The following GTPBP6 variants were observed in gnomAD, a reference collection of about 807,000 sequenced individuals.
The protein encoded by GTPBP6 is putative GTP-binding protein 6.
GTPBP6 carries 33 observed loss-of-function variants against 28.9 expected under a neutral mutation model. The observed-to-expected ratio is 1.14, with a 90% confidence interval of 0.87 to 1.53. The LOEUF (loss-of-function observed/expected upper bound fraction) is 1.53, where lower values mean the gene tolerates loss of function less well. Among genes scored for constraint, GTPBP6 ranks in the 40% most tolerant of loss-of-function variants. The probability of loss-of-function intolerance (pLI) is 0.00; values close to 1 mark genes in which losing one functional copy is unlikely to be tolerated. For missense variants in GTPBP6, 507 were observed against 408.3 expected, an observed-to-expected ratio of 1.24 and a Z score of -2.08; for synonymous variants, 231 against 192.7, an observed-to-expected ratio of 1.20 and a Z score of -1.65.
chrX:311,724 T>TG (rs1452493815), intron 6 of GTPBP6, 97 bp from the exon 7 acceptor site: 20 of 1,001,094 alleles, frequency 2.0e-5, no homozygotes, highest in Admixed American at 1.8e-4. Flanking sequence ...CGGCACCCTC[T>TG]GGGGGGCCGC....
chrX:305,532 A>C (rs76192934), intron 9 of GTPBP6, among the ~76,000 whole-genome samples: 2 of 149,992 alleles, frequency 1.3e-5, no homozygotes, highest in Non-Finnish European at 3.0e-5. Context: ...CGTGTTAGCC[A>C]GGATGGTCTC....
intron 2 of GTPBP6, 68 bp from the exon 3 acceptor site, chrX:315,367 CAT>C: frequency 2.5e-6 from 1 of 398,560 alleles, no homozygotes; most frequent in East Asian, 3.6e-5. Context: ...ATGAGCCCAC[CAT>C]ACCCTTTGTG....
intron 1 of GTPBP6, among the ~76,000 whole-genome samples, chrX:318,201 T>C (rs1393272910): frequency 2.7e-5 from 4 of 147,932 alleles, no homozygotes; most frequent in African/African-American, 7.6e-5. Flanking sequence ...TCGCCAGCTA[T>C]GATTCTCCCG....
At position 305,200 on chromosome X, in the gene GTPBP6, G is replaced by C; in HGVS notation, c.1428-3C>G. ...CTGTGGCCTCCTTATACAGCCAGCTGGGCACAGATGCGCGTTGTATGGAGA... is the reference window on the plus strand; with the variant it reads ...CTGTGGCCTCCTTATACAGCCAGCTCGGCACAGATGCGCGTTGTATGGAGA... On this transcript the variant is annotated splice_polypyrimidine_tract_variant and splice_region_variant and intron_variant, in intron 9 of 9. Transcript: ENST00000326153. The C allele has an allele frequency of 6.2e-7, 1 of 1,610,988 alleles. No individual in the cohort carries two copies. Among genetic ancestry groups the C allele is most frequent in the East Asian group, 2.2e-5 (1 of 44,878 alleles).
Position 309,953 on chromosome X carries a change from C to T in GTPBP6, c.1125+1466G>A, listed in dbSNP as rs778202279. 7.5e-4 allele frequency among the ~76,000 whole-genome samples: 104 copies of T among 139,584 alleles called. 1 individual carries two copies. The highest frequency in any genetic ancestry group is 2.4e-3 in the African/African-American group (83 of 34,010). 91.6% of individuals were successfully genotyped at this position (139,584 alleles called of 152,430 possible). ...TAAGAGACAGAAGAGGAGACACAGA[C>T]ACAGAGAAGAAGGCCACAGACAGAG... is the stretch of plus-strand genomic sequence containing the variant. On this transcript the variant is annotated intron_variant, in intron 7 of 9. Transcript: ENST00000326153.
chrX:304,833 A>C, exon 10 of GTPBP6: 1 of 1,400,544 alleles, frequency 7.1e-7, no homozygotes, highest in East Asian at 2.6e-5. Flanking sequence ...CCGAGGGCCC[A>C]CTGGAATTGT....
At position 318,430 on chromosome X, in the gene GTPBP6, C is replaced by G. The variant is rs2070480667; in HGVS notation, c.349+9G>C. The stretch of plus-strand genomic sequence containing the variant: ...CCTGTTTCTCCCCCGAAAGCCCTGC[C>G]GCGGTCACCTCGAGTCATCTGCGAC... On this transcript the variant is annotated intron_variant, in intron 1 of 9. Coordinates refer to ENST00000326153, the Ensembl canonical transcript of GTPBP6. The G allele has an allele frequency of 2.5e-6, 1 of 398,592 alleles. No homozygotes were observed. The highest frequency in any genetic ancestry group is 4.4e-6 in the Non-Finnish European group (1 of 226,088). The allele number at this position is 398,592 out of a possible 1,614,324, so 24.7% of individuals were successfully genotyped here.
At chrX:305,067 C>T (rs188206031) in exon 10 of GTPBP6, 24 of 1,611,964 alleles carry the variant, frequency 1.5e-5, no homozygotes, top group African/African-American at 2.7e-5. Flanking sequence ...CCTCTGTGGG[C>T]GTCCGTTCAT....
At position 314,138 on chromosome X, in the gene GTPBP6, G is replaced by C. The variant is rs9635648; in HGVS notation, c.757+12C>G. On this transcript the variant is annotated intron_variant, in intron 5 of 9. Transcript: ENST00000326153. ...GAGGACCCTCTGGGACGCCGCGCCC[G>C]GCCCGAGTTACCTGACCCCATGATG... 3,990 of 1,606,144 alleles carry C rather than the reference G, an allele frequency of 2.5e-3. 113 individuals carry two copies. The African/African-American group carries it at 0.049, about 20-fold the overall frequency.
At chrX:308,758 C>T (rs1365818557) in intron 7 of GTPBP6, among the ~76,000 whole-genome samples, 1 of 125,254 alleles carries the variant, frequency 8.0e-6, no homozygotes, top group African/African-American at 3.1e-5. Flanking sequence ...TTTTTTGAGA[C>T]GAGTCTCGCT....
chrX:307,515 G>C lies in GTPBP6; in HGVS notation c.1275-3C>G. The C allele has an allele frequency of 6.2e-7, 1 of 1,610,532 alleles. No homozygotes were observed. Reference sequence around the variant, plus strand: ...CGTTCGGTTCCGTGGGGCTGTACCTGCAAGGGTGGGGATGTCACAGGCCCC... The same window carrying C: ...CGTTCGGTTCCGTGGGGCTGTACCTCCAAGGGTGGGGATGTCACAGGCCCC... On this transcript the variant is annotated splice_polypyrimidine_tract_variant and splice_region_variant and intron_variant, in intron 8 of 9. Transcript: ENST00000326153.
intron 1 of GTPBP6, among the ~76,000 whole-genome samples, chrX:317,368 G>A (rs1366744253): frequency 2.0e-5 from 3 of 152,068 alleles, no homozygotes; most frequent in Non-Finnish European, 4.4e-5. Flanking sequence ...CAGGTTTGGG[G>A]AGTAGAGAGG....
At chrX:316,278 GTAAA>G (rs1362082343) in intron 2 of GTPBP6, among the ~76,000 whole-genome samples, 1 of 18,412 alleles carries the variant, frequency 5.4e-5, no homozygotes, top group African/African-American at 1.5e-4. Context: ...CACACACACA[GTAAA>G]TACATCCCGA....
At chrX:304,847 G>GA (rs1458705642) in exon 10 of GTPBP6, 79 of 1,411,086 alleles carry the variant, frequency 5.6e-5, no homozygotes, top group Non-Finnish European at 6.8e-5. Flanking sequence ...GAATTGTGTG[G>GA]ATGCTCAGGC....
In GTPBP6 at chrX:315,035, A is replaced by C; in HGVS notation, c.559-15T>G. The C allele has an allele frequency of 2.5e-6, 1 of 398,670 alleles. No homozygotes were observed. Among genetic ancestry groups the C allele is most frequent in the East Asian group, 3.6e-5 (1 of 28,072 alleles). The allele number at this position is 398,670 out of a possible 1,614,324, so 24.7% of individuals were successfully genotyped here. ...TCCAGTTCTTTCTGCAAAAGGAGAG[A>C]GCAACTGAGAAGCCACGGGGGAAGG... On this transcript the variant is annotated splice_polypyrimidine_tract_variant and intron_variant, in intron 3 of 9. Coordinates refer to ENST00000326153, the Ensembl canonical transcript of GTPBP6.
Position 307,947 on chromosome X carries a change from G to A in GTPBP6, c.1126-67C>T, listed in dbSNP as rs767895243. On this transcript the variant is annotated intron_variant, in intron 7 of 9. Transcript: ENST00000326153. ...TCCCTGACCCCAAGCTTGCAGACAG[G>A]CCCAGGAGAGGGGCTCACACGAGCT... 3.7e-6 allele frequency: 5 copies of A among 1,355,392 alleles called. No homozygotes were observed. In the African/African-American group the frequency reaches 5.9e-5, roughly 16 times the overall value. The allele number at this position is 1,355,392 out of a possible 1,614,324, so 84.0% of individuals were successfully genotyped here.
chrX:312,785 C>T (rs753947974), exon 6 of GTPBP6: 1 of 1,612,440 alleles, frequency 6.2e-7, no homozygotes, highest in Admixed American at 1.7e-5. Flanking sequence ...TGTACCCCAC[C>T]ACGGAGATCA....
intron 5 of GTPBP6, 102 bp downstream of exon 5, chrX:314,048 T>A (rs9652799): frequency 3.8e-6 from 2 of 528,816 alleles, no homozygotes; most frequent in Non-Finnish European, 6.6e-6. Flanking sequence ...AGACCCCAGC[T>A]GGACCCCACC....
chrX:307,927 G>A (rs751182138), intron 7 of GTPBP6, 47 bp from the exon 8 acceptor site: 6 of 1,431,764 alleles, frequency 4.2e-6, no homozygotes, highest in East Asian at 2.5e-5. Context: ...TCTGGTCCCT[G>A]ACCCCAAGCT....
Sources: gnomAD v4.1 joint callset for allele counts (sites outside exome capture counted in the v4.1 genomes callset) on GRCh38, gnomAD v4.1.1 for gene constraint, MANE v1.5 for transcripts, NCBI Gene and HGNC (gene_info 2026-07-23, HGNC 2026-07-21) for gene names.